Variants in INO80 observed in about 807,000 individuals in gnomAD.
The protein encoded by INO80 is INO80 complex ATPase subunit.
A neutral mutation model predicts 203.4 loss-of-function variants in INO80; 20 were observed. The ratio of observed to expected loss-of-function variants is 0.10; its 90% CI spans 0.07 to 0.14. The LOEUF is 0.14. INO80 is among the 10% of genes least tolerant of loss of function. The pLI is 1.00. For missense variants in INO80, 1,419 were observed against 1,914.4 expected, an observed-to-expected ratio of 0.74 and a Z score of 4.83; for synonymous variants, 726 against 685.2, an observed-to-expected ratio of 1.06 and a Z score of -0.93.
intron 25 of INO80, among the ~76,000 whole-genome samples, chr15:41,023,768 C>CAAAAAAAAAAA (rs139814568): frequency 4.7e-5 from 3 of 63,538 alleles, no homozygotes; most frequent in Non-Finnish European, 5.1e-5. Context: ...GACTCTGTCT[C>CAAAAAAAAAAA]AAAAAAAAAA....
At chr15:41,031,134 A>T (rs1340336708) in intron 24 of INO80, among the ~76,000 whole-genome samples, 6 of 152,182 alleles carry the variant, frequency 3.9e-5, no homozygotes, top group Non-Finnish European at 8.8e-5. Context: ...TACCCCTAGA[A>T]TGTTTTACCC....
intron 24 of INO80, among the ~76,000 whole-genome samples, chr15:41,035,061 C>T (rs1165407162): frequency 1.3e-5 from 2 of 152,162 alleles, no homozygotes; most frequent in Non-Finnish European, 2.9e-5. Context: ...CTATCTTTCC[C>T]AGCTAACATT....
intron 1 of INO80, among the ~76,000 whole-genome samples, chr15:41,104,787 G>GC (rs2045860366): frequency 6.6e-6 from 1 of 152,062 alleles, no homozygotes; most frequent in Non-Finnish European, 1.5e-5. Context: ...TGATTTGTCT[G>GC]CCTTGGCCTC....
At chr15:41,111,583 T>C (rs1014779549) in intron 1 of INO80, among the ~76,000 whole-genome samples, 1 of 151,834 alleles carries the variant, frequency 6.6e-6, no homozygotes, top group African/African-American at 2.4e-5. Flanking sequence ...GGTGGGCGGA[T>C]CATGAGGTCA....
At chr15:41,040,182 C>T in intron 24 of INO80, among the ~76,000 whole-genome samples, 1 of 150,678 alleles carries the variant, frequency 6.6e-6, no homozygotes, top group East Asian at 1.9e-4. Flanking sequence ...CCTGCTGCTA[C>T]CAAAAAAAAA....
At chr15:41,031,491 G>A (rs1487097135) in intron 24 of INO80, among the ~76,000 whole-genome samples, 1 of 113,722 alleles carries the variant, frequency 8.8e-6, no homozygotes, top group Admixed American at 9.7e-5. Flanking sequence ...GAGAGAGGGA[G>A]GGGAGGAAGG....
chr15:41,048,173 C>T lies in INO80; in HGVS notation c.2641+39G>A, dbSNP rs1029217992. On this transcript the variant is annotated intron_variant, in intron 22 of 35. Transcript: ENST00000648947. ...CAAAACAAAGAGCATCCTGGTAAAA[C>T]CCTGACAAACCTACTTTCCCAAAGA... The T allele has an allele frequency of 7.9e-6, 12 of 1,511,046 alleles. No homozygotes were observed. In the African/African-American group the frequency reaches 1.7e-4, roughly 21 times the overall value. The allele number at this position is 1,511,046 out of a possible 1,614,324, so 93.6% of individuals were successfully genotyped here. A position where few individuals can be genotyped will look rare whatever the true frequency, so the allele number is the denominator to read the frequency against.
intron 9 of INO80, among the ~76,000 whole-genome samples, chr15:41,074,868 C>T (rs1425800800): frequency 6.6e-6 from 1 of 152,126 alleles, no homozygotes; most frequent in Non-Finnish European, 1.5e-5. Flanking sequence ...CCTCAGCCTC[C>T]AGAGTAGCTG....
chr15:41,088,149 G>T (rs767308110), intron 5 of INO80, among the ~76,000 whole-genome samples: 2 of 144,692 alleles, frequency 1.4e-5, no homozygotes, highest in African/African-American at 2.6e-5. Context: ...GGAGTGCAGC[G>T]GCATGATCTG....
At chr15:40,983,106 A>AT in intron 34 of INO80, 29 bp from the exon 35 acceptor site, 7 of 1,551,080 alleles carry the variant, frequency 4.5e-6, no homozygotes, top group South Asian at 1.1e-5. Context: ...CAAAAGGGAA[A>AT]GAAAAAAAAA....
At chr15:41,059,770 TAA>T in intron 15 of INO80, 95 bp downstream of exon 15, 1 of 760,462 alleles carries the variant, frequency 1.3e-6, no homozygotes, top group Non-Finnish European at 2.1e-6. Flanking sequence ...ATATAATAGA[TAA>T]GAAGATTTTT....
intron 28 of INO80, 104 bp from the exon 29 acceptor site, chr15:40,997,705 A>C: frequency 2.6e-6 from 2 of 764,498 alleles, no homozygotes; most frequent in Non-Finnish European, 4.6e-6. Context: ...TCTAGGACTA[A>C]AAAGAGTTTT....
Position 40,997,630 on chromosome 15 carries a change from G to T in INO80, c.3498-29C>A, listed in dbSNP as rs778039556. On this transcript the variant is annotated intron_variant, in intron 28 of 35. Transcript: ENST00000648947. The stretch of plus-strand genomic sequence containing the variant: ...CAGAAAAGGGAGAGATATGTTAAAG[G>T]AAAAACTGAAAAGAAAAAATGGCAT... 5 of 1,463,770 alleles carry T rather than the reference G, an allele frequency of 3.4e-6. No homozygotes were observed. In the Admixed American group the frequency reaches 5.0e-5, roughly 15 times the overall value. The allele number at this position is 1,463,770 out of a possible 1,614,324, so 90.7% of individuals were successfully genotyped here. A position where few individuals can be genotyped will look rare whatever the true frequency, so the allele number is the denominator to read the frequency against.
At chr15:40,998,270 C>G (rs1397422506) in intron 28 of INO80, among the ~76,000 whole-genome samples, 1 of 152,020 alleles carries the variant, frequency 6.6e-6, no homozygotes, top group East Asian at 1.9e-4. Context: ...ATCCGCCCGC[C>G]TCGGCCTCCC....
At chr15:41,097,685 G>A (rs556516244) in intron 1 of INO80, among the ~76,000 whole-genome samples, 7 of 151,920 alleles carry the variant, frequency 4.6e-5, no homozygotes, top group Non-Finnish European at 8.8e-5. Flanking sequence ...TGTTGGTCAG[G>A]CTGGTCTGGA....
At chr15:41,014,078 A>T (rs2044168805) in intron 27 of INO80, among the ~76,000 whole-genome samples, 1 of 152,240 alleles carries the variant, frequency 6.6e-6, no homozygotes, top group South Asian at 2.1e-4. Context: ...GTAATATTTA[A>T]TGAGAACCTA....
chr15:41,046,191 G>C (rs998525302), intron 23 of INO80, among the ~76,000 whole-genome samples: 1 of 135,578 alleles, frequency 7.4e-6, no homozygotes, highest in Non-Finnish European at 1.6e-5. Flanking sequence ...GTGTGTCTCT[G>C]TGTGCGTATA....
At position 41,079,799 on chromosome 15, in the gene INO80, G is replaced by A; in HGVS notation, c.1033C>T (p.Leu345=). 5 of 1,614,042 alleles carry A rather than the reference G, an allele frequency of 3.1e-6. No individual in the cohort carries two copies. In the African/African-American group the frequency reaches 5.3e-5, roughly 17 times the overall value. The part of the protein sequence containing the change: ...RARRLTKEML[L]YWKKYEKVEK... ...ACTTTCTCATATTTCTTCCAGTACA[G>A]AAGCATCTCCTTGGTGAGGCGGCGG... Residue 345 remains leucine, a synonymous_variant, in exon 9 of 36, where the codon CTG becomes TTG. Coordinates refer to ENST00000648947, the MANE Select transcript of INO80 (RefSeq NM_017553.3).
chr15:41,022,808 G>A (rs1320439220), intron 25 of INO80, among the ~76,000 whole-genome samples: 1 of 152,050 alleles, frequency 6.6e-6, no homozygotes, highest in Non-Finnish European at 1.5e-5. Flanking sequence ...TCTCCAAAAG[G>A]AACTTGTTTT....
Sources: gnomAD v4.1 joint callset for allele counts (sites outside exome capture counted in the v4.1 genomes callset) on GRCh38, gnomAD v4.1.1 for gene constraint, MANE v1.5 for transcripts, NCBI Gene and HGNC (gene_info 2026-07-23, HGNC 2026-07-21) for gene names.